Variants in ERC2 observed in about 807,000 individuals in gnomAD.
The protein encoded by ERC2 is ELKS/RAB6-interacting/CAST family member 2.
A neutral mutation model predicts 114.8 loss-of-function variants in ERC2; 42 were observed. The observed-to-expected ratio is 0.37, with a 90% confidence interval of 0.29 to 0.47. ERC2 has a LOEUF of 0.47. Among genes scored for constraint, ERC2 ranks in the 20% least tolerant of loss-of-function variants. ERC2 has a pLI of 0.99. For missense variants in ERC2, 939 were observed against 1,150.7 expected, an observed-to-expected ratio of 0.82 and a Z score of 2.66; for synonymous variants, 454 against 425.5, an observed-to-expected ratio of 1.07 and a Z score of -0.82.
At chr3:55,798,192 T>A (rs1402366077) in intron 14 of ERC2, among the ~76,000 whole-genome samples, 1 of 152,116 alleles carries the variant, frequency 6.6e-6, no homozygotes, top group Non-Finnish European at 1.5e-5. Flanking sequence ...TAAACAGAAC[T>A]GGTGAAAGAT....
At chr3:56,012,143 A>C (rs1254419033) in intron 8 of ERC2, among the ~76,000 whole-genome samples, 2 of 152,174 alleles carry the variant, frequency 1.3e-5, no homozygotes, top group Non-Finnish European at 2.9e-5. Context: ...TGTGATCCAC[A>C]AGAGAAGGAA....
At chr3:55,661,149 ATATC>A (rs1280349588) in intron 17 of ERC2, among the ~76,000 whole-genome samples, 1 of 152,208 alleles carries the variant, frequency 6.6e-6, no homozygotes, top group East Asian at 1.9e-4. Context: ...ACTTTAAAAA[ATATC>A]TATTTATTAT....
intron 14 of ERC2, among the ~76,000 whole-genome samples, chr3:55,765,000 T>C (rs1429687926): frequency 6.6e-6 from 1 of 152,164 alleles, no homozygotes; most frequent in Non-Finnish European, 1.5e-5. Context: ...CCAAACTTTA[T>C]CAATTTCAAG....
chr3:55,992,322 G>T, intron 10 of ERC2, 72 bp from the exon 11 acceptor site: 3 of 1,319,088 alleles, frequency 2.3e-6, no homozygotes, highest in Non-Finnish European at 2.1e-6. Flanking sequence ...TGTCACCAAT[G>T]GTCCAGAAAT....
At chr3:56,120,136 A>G (rs1035586054) in intron 6 of ERC2, among the ~76,000 whole-genome samples, 5 of 151,934 alleles carry the variant, frequency 3.3e-5, no homozygotes, top group Non-Finnish European at 5.9e-5. Context: ...ATTGAAAAAA[A>G]AGAGAGAGAG....
intron 13 of ERC2, among the ~76,000 whole-genome samples, chr3:55,903,035 A>T (rs2064227897): frequency 1.3e-5 from 2 of 152,232 alleles, no homozygotes; most frequent in African/African-American, 2.4e-5. Flanking sequence ...GAAACAAAAC[A>T]TACTCACATC....
intron 15 of ERC2, among the ~76,000 whole-genome samples, chr3:55,721,709 G>T (rs764976963): frequency 6.6e-6 from 1 of 152,206 alleles, no homozygotes; most frequent in Admixed American, 6.5e-5. Context: ...GCCTTGCTTT[G>T]TTTAAACTTT....
At chr3:55,583,164 T>C (rs1349633598) in intron 17 of ERC2, among the ~76,000 whole-genome samples, 2 of 152,144 alleles carry the variant, frequency 1.3e-5, no homozygotes, top group African/African-American at 4.8e-5. Context: ...GGGACTTGGA[T>C]CATTTACTCG....
intron 2 of ERC2, among the ~76,000 whole-genome samples, chr3:56,376,274 C>T (rs1402083452): frequency 6.6e-6 from 1 of 152,144 alleles, no homozygotes; most frequent in African/African-American, 2.4e-5. Context: ...AAAATATCTA[C>T]CAAACTCTCT....
At chr3:55,631,031 T>G (rs544777049) in intron 17 of ERC2, among the ~76,000 whole-genome samples, 9 of 152,044 alleles carry the variant, frequency 5.9e-5, no homozygotes, top group Non-Finnish European at 1.0e-4. Context: ...TAGCTATATA[T>G]AGAGAAAGAG....
intron 3 of ERC2, among the ~76,000 whole-genome samples, chr3:56,215,381 C>G (rs1478255576): frequency 1.3e-5 from 2 of 152,090 alleles, no homozygotes; most frequent in Non-Finnish European, 2.9e-5. Flanking sequence ...CAACAAAGAT[C>G]AAAAGAGACA....
At chr3:55,574,744 G>A (rs780853994) in intron 17 of ERC2, among the ~76,000 whole-genome samples, 11 of 152,284 alleles carry the variant, frequency 7.2e-5, no homozygotes, top group Admixed American at 2.0e-4. Context: ...GAGAAGGCTC[G>A]AGTTGATCAC....
At chr3:55,776,592 G>A (rs1486128110) in intron 14 of ERC2, among the ~76,000 whole-genome samples, 1 of 152,184 alleles carries the variant, frequency 6.6e-6, no homozygotes, top group Non-Finnish European at 1.5e-5. Context: ...ACTCATGTGA[G>A]CCTGGGGGTA....
chr3:56,082,424 T>G (rs941437870), intron 6 of ERC2, among the ~76,000 whole-genome samples: 3 of 152,076 alleles, frequency 2.0e-5, no homozygotes, highest in African/African-American at 7.2e-5. Flanking sequence ...CCTCTGTAAC[T>G]GTAAGACATA....
chr3:56,443,866 C>T (rs577438622), intron 1 of ERC2, among the ~76,000 whole-genome samples: 154 of 151,608 alleles, frequency 1.0e-3, no homozygotes, highest in African/African-American at 3.5e-3. Context: ...AAAAAGGTAG[C>T]AGTTAAGATC....
At chr3:56,060,381 C>G (rs531495095) in intron 7 of ERC2, among the ~76,000 whole-genome samples, 1 of 152,184 alleles carries the variant, frequency 6.6e-6, no homozygotes, top group East Asian at 1.9e-4. Context: ...TGGGAAGAAA[C>G]CCCCACCCTT....
At chr3:55,583,960 T>C (rs1034603217) in intron 17 of ERC2, among the ~76,000 whole-genome samples, 4 of 152,176 alleles carry the variant, frequency 2.6e-5, no homozygotes, top group Admixed American at 2.6e-4. Flanking sequence ...TTTTGGCTTC[T>C]TCACTTATTA....
intron 17 of ERC2, among the ~76,000 whole-genome samples, chr3:55,662,623 A>G (rs1411527806): frequency 6.6e-6 from 1 of 152,232 alleles, no homozygotes; most frequent in Non-Finnish European, 1.5e-5. Context: ...GGAGACATTC[A>G]GGTTTTAAGT....
chr3:56,241,195 C>T (rs1377516168), intron 3 of ERC2, among the ~76,000 whole-genome samples: 1 of 151,890 alleles, frequency 6.6e-6, no homozygotes, highest in African/African-American at 2.4e-5. Flanking sequence ...CTCAACTCAA[C>T]AAGAAAAAAC....
Sources: gnomAD v4.1 joint callset for allele counts (sites outside exome capture counted in the v4.1 genomes callset) on GRCh38, gnomAD v4.1.1 for gene constraint, MANE v1.5 for transcripts, NCBI Gene and HGNC (gene_info 2026-07-23, HGNC 2026-07-21) for gene names.